The following ZNF254 variants were observed in gnomAD, a reference collection of about 807,000 sequenced individuals.
ZNF254 encodes the protein zinc finger protein 254, also known as CTD-2017D11.1.
In ZNF254, 10 loss-of-function variants were observed where a neutral mutation model predicts 12.4. The observed-to-expected ratio is 0.80, with a 90% CI of 0.50 to 1.36. ZNF254 has a LOEUF of 1.36. ZNF254 is among the 40% of genes most tolerant of loss of function. The probability of loss-of-function intolerance (pLI) is 0.00; values close to 1 mark genes in which losing one functional copy is unlikely to be tolerated. For synonymous variants in ZNF254, 305 were observed against 253.4 expected (o/e 1.20, Z -1.93); for missense variants, 996 against 763.9 (o/e 1.30, Z -3.58).
chr19:24,056,917 A>G (rs1278042605), intron 2 of ZNF254, among the ~76,000 whole-genome samples: 1 of 152,176 alleles, frequency 6.6e-6, no homozygotes, highest in Non-Finnish European at 1.5e-5. Flanking sequence ...TATTACCCAG[A>G]TGATATAAGT....
At chr19:24,115,419 G>T (rs1037688110) in intron 3 of ZNF254, among the ~76,000 whole-genome samples, 1 of 150,692 alleles carries the variant, frequency 6.6e-6, no homozygotes, top group African/African-American at 2.5e-5. Flanking sequence ...GTAAACTATC[G>T]CAAGAACAAA....
At chr19:24,111,449 G>T (rs980103600) in intron 3 of ZNF254, among the ~76,000 whole-genome samples, 1 of 152,120 alleles carries the variant, frequency 6.6e-6, no homozygotes, top group Non-Finnish European at 1.5e-5. Flanking sequence ...ATGATTTATA[G>T]TCCTTTGGGT....
intron 2 of ZNF254, among the ~76,000 whole-genome samples, chr19:24,070,957 C>T (rs1971458668): frequency 6.6e-6 from 1 of 152,158 alleles, no homozygotes; most frequent in African/African-American, 2.4e-5. Context: ...AATCTCCTAC[C>T]TATATCCTGA....
intron 2 of ZNF254, among the ~76,000 whole-genome samples, chr19:24,048,200 C>T (rs889523271): frequency 5.3e-5 from 8 of 151,804 alleles, no homozygotes; most frequent in African/African-American, 1.4e-4. Flanking sequence ...TACTTGTGGC[C>T]GCTGGCCACA....
chr19:24,087,371 G>C, intron 1 of ZNF254, 34 bp downstream of exon 1: 1 of 1,613,068 alleles, frequency 6.2e-7, no homozygotes, highest in Non-Finnish European at 8.5e-7. Context: ...CGAGAGAGGG[G>C]AGGGGGCTGG....
intron 3 of ZNF254, among the ~76,000 whole-genome samples, chr19:24,119,771 C>G (rs903640586): frequency 2.6e-5 from 4 of 151,924 alleles, no homozygotes; most frequent in Non-Finnish European, 4.4e-5. Context: ...GATTACATTT[C>G]TTTTTATTAA....
intron 2 of ZNF254, among the ~76,000 whole-genome samples, chr19:24,048,020 T>TTTTTTTTTG: frequency 7.2e-6 from 1 of 138,026 alleles, no homozygotes; most frequent in Non-Finnish European, 1.6e-5. Context: ...TTTTTTTTTT[T>TTTTTTTTTG]TTTTTTGCGT....
At chr19:24,033,796 A>T (rs1480853604) in intron 1 of ZNF254, among the ~76,000 whole-genome samples, 1 of 152,118 alleles carries the variant, frequency 6.6e-6, no homozygotes, top group East Asian at 1.9e-4. Flanking sequence ...CCCCGCGTTC[A>T]GCCCCGTCCC....
At chr19:24,035,750 A>T (rs540547152) in intron 1 of ZNF254, among the ~76,000 whole-genome samples, 1 of 152,314 alleles carries the variant, frequency 6.6e-6, no homozygotes, top group African/African-American at 2.4e-5. Context: ...AAACCTAAGC[A>T]AAGTTTGATT....
chr19:24,040,715 A>G (rs1053396647), intron 1 of ZNF254, among the ~76,000 whole-genome samples: 4 of 152,210 alleles, frequency 2.6e-5, no homozygotes, highest in Non-Finnish European at 5.9e-5. Context: ...AGCTCAATAA[A>G]CACTGTATTA....
intron 2 of ZNF254, among the ~76,000 whole-genome samples, chr19:24,071,296 G>A (rs1971471824): frequency 6.6e-6 from 1 of 152,176 alleles, no homozygotes; most frequent in Admixed American, 6.5e-5. Flanking sequence ...ACAGCACACA[G>A]GTGATGTAAT....
chr19:24,102,289 A>T (rs1301462294), intron 1 of ZNF254, among the ~76,000 whole-genome samples: 1 of 151,122 alleles, frequency 6.6e-6, no homozygotes, highest in Non-Finnish European at 1.5e-5. Flanking sequence ...ATTCTAGAAA[A>T]CCTTAAGGGA....
chr19:24,078,128 C>G (rs534414739), intron 2 of ZNF254, among the ~76,000 whole-genome samples: 37 of 152,290 alleles, frequency 2.4e-4, no homozygotes, highest in African/African-American at 7.7e-4. Flanking sequence ...AACCCTGCCT[C>G]TTGAGTTCAA....
At chr19:24,049,056 C>A (rs1048720295) in intron 2 of ZNF254, 5 of 150,552 alleles carry the variant, frequency 3.3e-5, no homozygotes, top group Non-Finnish European at 7.4e-5. Context: ...CTGGTTCTAT[C>A]TCTGTCTGTC....
intron 2 of ZNF254, among the ~76,000 whole-genome samples, chr19:24,060,631 G>T (rs1220732367): frequency 2.6e-5 from 4 of 152,176 alleles, no homozygotes; most frequent in African/African-American, 9.7e-5. Context: ...AAAAAAGAGA[G>T]TGACTTATAC....
chr19:24,073,624 C>T (rs1695588378), intron 2 of ZNF254, among the ~76,000 whole-genome samples: 1 of 152,056 alleles, frequency 6.6e-6, no homozygotes, highest in Non-Finnish European at 1.5e-5. Context: ...TGGAGGTAGC[C>T]AAAAGCTGGA....
chr19:24,074,415 C>T (rs151060668), intron 2 of ZNF254, among the ~76,000 whole-genome samples: 16 of 152,320 alleles, frequency 1.1e-4, no homozygotes, highest in Middle Eastern at 3.4e-3. Context: ...AGTGACATAT[C>T]TGTGAATCCA....
At chr19:24,099,938 A>C (rs1972908355) in intron 1 of ZNF254, among the ~76,000 whole-genome samples, 1 of 152,224 alleles carries the variant, frequency 6.6e-6, no homozygotes, top group Admixed American at 6.5e-5. Context: ...CATAATATAA[A>C]CACATAAGGT....
At chr19:24,076,310 C>G (rs533542543) in intron 2 of ZNF254, among the ~76,000 whole-genome samples, 1 of 152,192 alleles carries the variant, frequency 6.6e-6, no homozygotes, top group African/African-American at 2.4e-5. Flanking sequence ...TAATAAATGT[C>G]CATGAAATCT....
Sources: gnomAD v4.1 joint callset for allele counts (sites outside exome capture counted in the v4.1 genomes callset) on GRCh38, gnomAD v4.1.1 for gene constraint, MANE v1.5 for transcripts, NCBI Gene and HGNC (gene_info 2026-07-23, HGNC 2026-07-21) for gene names.